The following NR3C1 variants were observed in gnomAD, a reference collection of about 807,000 sequenced individuals.
NR3C1 encodes the protein glucocorticoid receptor.
In NR3C1, 14 loss-of-function variants were observed where a neutral mutation model predicts 74.0. The ratio of observed to expected loss-of-function variants is 0.19; its 90% confidence interval spans 0.12 to 0.30. The LOEUF (loss-of-function observed/expected upper bound fraction) is 0.30, where lower values mean the gene tolerates loss of function less well. NR3C1 is among the 10% of genes least tolerant of loss of function. NR3C1 has a pLI of 1.00. For synonymous variants in NR3C1, 308 were observed against 332.5 expected, an observed-to-expected ratio of 0.93 and a Z score of 0.80; for missense variants, 695 against 909.8, an observed-to-expected ratio of 0.76 and a Z score of 3.04.
intron 1 of NR3C1, among the ~76,000 whole-genome samples, chr5:143,426,920 G>A (rs916052271): frequency 1.3e-5 from 2 of 152,158 alleles, no homozygotes; most frequent in Non-Finnish European, 1.5e-5. Flanking sequence ...GTGCTTTTAC[G>A]AAGTTTATCC....
Position 143,341,349 on chromosome 5 carries a change from C to A in NR3C1, c.1185-27181G>T, listed in dbSNP as rs183143346. On this transcript the variant is annotated intron_variant, in intron 2 of 8. Transcript: ENST00000394464. ...TTAAAAAATTAACGGTAAATGGCCC[C>A]ATGGCTTATAGCAAAAGGAGACATT... Among the ~76,000 whole-genome samples the A allele has an allele frequency of 1.6e-3, 243 of 152,286 alleles. 3 individuals carry two copies. The South Asian group carries it at 0.023, about 15-fold the overall frequency.
upstream of NR3C1, chr5:143,405,146 C>G (rs1841026125): frequency 1.0e-6 from 1 of 985,586 alleles, no homozygotes; most frequent in Non-Finnish European, 1.2e-6. Flanking sequence ...ACCGAGCCTC[C>G]TACCTTGTGC....
chr5:143,308,505 T>C lies in NR3C1; in HGVS notation c.1468+1592A>G, dbSNP rs115663761. Among the ~76,000 whole-genome samples the C allele has an allele frequency of 6.3e-3, 966 of 152,148 alleles. 10 individuals are homozygous for C. The highest frequency in any genetic ancestry group is 0.039 in the Admixed American group (592 of 15,284). Reference sequence around the variant, plus strand: ...CATCATAATCATAAAAGGAACCACATGGTTTCCATTCTCTCTCAGTACTGC... The same window carrying C: ...CATCATAATCATAAAAGGAACCACACGGTTTCCATTCTCTCTCAGTACTGC... On this transcript the variant is annotated intron_variant, in intron 4 of 8. Coordinates refer to ENST00000394464, the MANE Select transcript of NR3C1 (RefSeq NM_000176.3).
chr5:143,353,188 T>C (rs1830512726), intron 2 of NR3C1, among the ~76,000 whole-genome samples: 1 of 152,200 alleles, frequency 6.6e-6, no homozygotes, highest in Non-Finnish European at 1.5e-5. Flanking sequence ...TTGCAGCAAT[T>C]CCGTCACATT....
chr5:143,406,571 AATAGTT>A (rs1409149661), upstream of NR3C1, among the ~76,000 whole-genome samples: 1 of 152,196 alleles, frequency 6.6e-6, no homozygotes, highest in Non-Finnish European at 1.5e-5. Context: ...GAGTAATACA[AATAGTT>A]ATGATTTGTG....
intron 2 of NR3C1, among the ~76,000 whole-genome samples, chr5:143,348,402 G>A (rs972795198): frequency 3.3e-5 from 5 of 152,104 alleles, no homozygotes; most frequent in African/African-American, 9.7e-5. Context: ...CATTTTATTT[G>A]TAACCCCCAA....
chr5:143,290,027 T>C (rs1815491287), intron 7 of NR3C1, among the ~76,000 whole-genome samples: 1 of 152,250 alleles, frequency 6.6e-6, no homozygotes, highest in South Asian at 2.1e-4. Context: ...GTAAGAAAGG[T>C]ATAGTAAAAT....
chr5:143,374,401 G>A (rs1056077561), intron 2 of NR3C1, among the ~76,000 whole-genome samples: 1 of 151,850 alleles, frequency 6.6e-6, no homozygotes, highest in African/African-American at 2.4e-5. Flanking sequence ...TGAGGCAGGA[G>A]AATGGCGTGA....
chr5:143,402,897 G>T (rs1437895632), intron 1 of NR3C1: 1 of 942,124 alleles, frequency 1.1e-6, no homozygotes, highest in Non-Finnish European at 1.3e-6. Flanking sequence ...GAGAAAAGAG[G>T]CCAGGATTCC....
At chr5:143,298,643 G>T in intron 6 of NR3C1, 25 bp downstream of exon 6, 1 of 1,609,240 alleles carries the variant, frequency 6.2e-7, no homozygotes, top group South Asian at 1.1e-5. Flanking sequence ...ATGAATACAG[G>T]GAAAATGACA....
At chr5:143,286,480 A>G (rs1814512204) in intron 7 of NR3C1, among the ~76,000 whole-genome samples, 1 of 152,168 alleles carries the variant, frequency 6.6e-6, no homozygotes, top group African/African-American at 2.4e-5. Flanking sequence ...TTATACCATT[A>G]TACCATATTA....
At chr5:143,338,238 T>C (rs752889856) in intron 2 of NR3C1, among the ~76,000 whole-genome samples, 4 of 152,198 alleles carry the variant, frequency 2.6e-5, no homozygotes, top group Non-Finnish European at 5.9e-5. Flanking sequence ...CAAATACAAC[T>C]GTGTACAGTA....
At chr5:143,378,857 T>C (rs1390343233) in intron 2 of NR3C1, among the ~76,000 whole-genome samples, 1 of 152,184 alleles carries the variant, frequency 6.6e-6, no homozygotes, top group Non-Finnish European at 1.5e-5. Flanking sequence ...TTTCCTATCT[T>C]ATGTAAAACC....
intron 3 of NR3C1, among the ~76,000 whole-genome samples, 153 bp from the exon 4 acceptor site, chr5:143,310,366 T>C (rs1475619968): frequency 6.6e-6 from 1 of 152,122 alleles, no homozygotes; most frequent in East Asian, 1.9e-4. Context: ...CATTATGAGG[T>C]CGAGAGGTCA....
At chr5:143,382,986 C>T (rs750529970) in intron 2 of NR3C1, among the ~76,000 whole-genome samples, 3 of 152,216 alleles carry the variant, frequency 2.0e-5, no homozygotes, top group Non-Finnish European at 4.4e-5. Context: ...GTAAGGTCTG[C>T]CTGTCTTTGG....
Position 143,372,617 on chromosome 5 carries a change from C to T in NR3C1, c.1184+27039G>A, listed in dbSNP as rs13176292. ...GGACTACTGCATAAATTTTGAAATC[C>T]TTTGCAAGGGTTCCCTGTGTTTTAT... On this transcript the variant is annotated intron_variant, in intron 2 of 8. Transcript: ENST00000394464. Among the ~76,000 whole-genome samples, 775 of 152,252 alleles carry T rather than the reference C, an allele frequency of 5.1e-3. 4 individuals carry two copies. The highest frequency in any genetic ancestry group is 0.017 in the African/African-American group (723 of 41,552).
intron 1 of NR3C1, among the ~76,000 whole-genome samples, chr5:143,410,763 C>T (rs1841264449): frequency 6.6e-6 from 1 of 152,180 alleles, no homozygotes; most frequent in Non-Finnish European, 1.5e-5. Context: ...AATTTTTGCA[C>T]TATCACTTCA....
At chr5:143,286,773 G>A (rs950913057) in intron 7 of NR3C1, among the ~76,000 whole-genome samples, 2 of 151,550 alleles carry the variant, frequency 1.3e-5, no homozygotes, top group African/African-American at 4.8e-5. Context: ...CCTAACTGAC[G>A]TTCATAAAAC....
intron 2 of NR3C1, among the ~76,000 whole-genome samples, chr5:143,337,536 G>A (rs1827377719): frequency 1.3e-5 from 2 of 152,158 alleles, no homozygotes; most frequent in African/African-American, 4.8e-5. Flanking sequence ...AAGAATGTTG[G>A]CAGCAGCATT....
Sources: gnomAD v4.1 joint callset for allele counts (sites outside exome capture counted in the v4.1 genomes callset) on GRCh38, gnomAD v4.1.1 for gene constraint, MANE v1.5 for transcripts, NCBI Gene and HGNC (gene_info 2026-07-23, HGNC 2026-07-21) for gene names.